PRKG1: variants seen among roughly 807,000 people sequenced by gnomAD.
The protein encoded by PRKG1 is protein kinase cGMP-dependent 1, also known as cGMP-dependent protein kinase 1.
A neutral mutation model predicts 88.1 loss-of-function variants in PRKG1; 35 were observed. The observed-to-expected ratio is 0.40, with a 90% CI of 0.30 to 0.53. PRKG1 has a LOEUF of 0.53. Among genes scored for constraint, PRKG1 ranks in the 20% least tolerant of loss-of-function variants. The probability of loss-of-function intolerance (pLI) is 0.59; values close to 1 mark genes in which losing one functional copy is unlikely to be tolerated. For missense variants in PRKG1, 540 were observed against 839.8 expected, an observed-to-expected ratio of 0.64 and a Z score of 4.41; for synonymous variants, 303 against 292.5, an observed-to-expected ratio of 1.04 and a Z score of -0.37.
chr10:51,201,478 A>G (rs1435222252), intron 2 of PRKG1, among the ~76,000 whole-genome samples: 2 of 152,210 alleles, frequency 1.3e-5, no homozygotes, highest in Non-Finnish European at 2.9e-5. Context: ...AAATTAAAGC[A>G]GGAAAATGTA....
chr10:51,984,292 A>G, intron 5 of PRKG1, among the ~76,000 whole-genome samples: 1 of 152,250 alleles, frequency 6.6e-6, no homozygotes, highest in East Asian at 1.9e-4. Flanking sequence ...CTAATTTTAA[A>G]GATTGGCCAG....
chr10:51,832,814 A>G lies in PRKG1; in HGVS notation c.698+28124A>G, dbSNP rs543670503. Among the ~76,000 whole-genome samples the G allele has an allele frequency of 1.6e-3, 246 of 152,270 alleles. 1 individual carries two copies. The highest frequency in any genetic ancestry group is 3.5e-3 in the Admixed American group (54 of 15,292). On this transcript the variant is annotated intron_variant, in intron 4 of 17. Coordinates refer to ENST00000373980, the MANE Select transcript of PRKG1 (RefSeq NM_006258.4). ...ACACAAGCTATGGAATGGTGAGGGG[A>G]GGAAATGCATGATGATCAAATATTG... is the stretch of plus-strand genomic sequence containing the variant.
chr10:52,085,906 C>T (rs1846900751), intron 7 of PRKG1, among the ~76,000 whole-genome samples: 1 of 152,058 alleles, frequency 6.6e-6, no homozygotes, highest in Non-Finnish European at 1.5e-5. Context: ...ACATGCATAG[C>T]AGCCCAAAAA....
At chr10:52,123,313 A>C (rs1589626812) in intron 7 of PRKG1, among the ~76,000 whole-genome samples, 1 of 152,188 alleles carries the variant, frequency 6.6e-6, no homozygotes, top group East Asian at 1.9e-4. Context: ...AATGAATGGA[A>C]ATATCCAATC....
At chr10:52,201,860 A>G (rs1554816836) in intron 9 of PRKG1, among the ~76,000 whole-genome samples, 1 of 151,954 alleles carries the variant, frequency 6.6e-6, no homozygotes, top group Non-Finnish European at 1.5e-5. Flanking sequence ...CTCAGCTTGA[A>G]TGTTGTTGTT....
intron 2 of PRKG1, among the ~76,000 whole-genome samples, chr10:51,224,290 G>T (rs1252978946): frequency 6.6e-6 from 1 of 152,198 alleles, no homozygotes; most frequent in East Asian, 1.9e-4. Flanking sequence ...AGGAGTCAGA[G>T]AAAGGTGTGT....
intron 2 of PRKG1, among the ~76,000 whole-genome samples, chr10:51,296,624 C>A (rs1035635543): frequency 6.6e-6 from 1 of 151,902 alleles, no homozygotes; most frequent in African/African-American, 2.4e-5. Context: ...TTCAAAAAAT[C>A]AACTCTTGTT....
intron 3 of PRKG1, among the ~76,000 whole-genome samples, chr10:51,562,620 C>T (rs1053190043): frequency 5.3e-5 from 8 of 152,094 alleles, no homozygotes; most frequent in Middle Eastern, 3.2e-3. Flanking sequence ...TGTATTATCT[C>T]TCTTTGATTA....
At chr10:52,041,409 C>T (rs1038775555) in intron 5 of PRKG1, among the ~76,000 whole-genome samples, 1 of 152,104 alleles carries the variant, frequency 6.6e-6, no homozygotes, top group Admixed American at 6.5e-5. Flanking sequence ...CATCTATGCT[C>T]ATCCAGAATG....
chr10:51,828,828 T>G (rs556960906), intron 4 of PRKG1, among the ~76,000 whole-genome samples: 2 of 152,324 alleles, frequency 1.3e-5, no homozygotes, highest in East Asian at 3.9e-4. Context: ...ATAAAAATGT[T>G]CAAGAAACTG....
chr10:51,116,231 C>T (rs1301998260), intron 1 of PRKG1, among the ~76,000 whole-genome samples: 2 of 152,136 alleles, frequency 1.3e-5, no homozygotes, highest in East Asian at 1.9e-4. Flanking sequence ...GGTAGACTGG[C>T]GGAACATATA....
intron 7 of PRKG1, among the ~76,000 whole-genome samples, chr10:52,114,721 A>G (rs1847646996): frequency 6.6e-6 from 1 of 152,110 alleles, no homozygotes; most frequent in African/African-American, 2.4e-5. Context: ...CTTCCTGATT[A>G]TCAGCTATAA....
chr10:51,134,950 G>T (rs975152912), intron 1 of PRKG1, among the ~76,000 whole-genome samples: 1 of 152,048 alleles, frequency 6.6e-6, no homozygotes. Context: ...ATAAATAATT[G>T]GGATTTTAGC....
At chr10:51,090,706 C>T (rs972596105) in intron 1 of PRKG1, among the ~76,000 whole-genome samples, 1 of 152,034 alleles carries the variant, frequency 6.6e-6, no homozygotes, top group Non-Finnish European at 1.5e-5. Context: ...TAATATTGTT[C>T]GTAACATTTA....
chr10:52,280,914 G>A lies in PRKG1; in HGVS notation c.1529G>A (p.Arg510Gln), dbSNP rs749187374. Residue 510 changes from arginine to glutamine, a missense_variant, in exon 13 of 18, where the codon CGA becomes CAA. Physicochemically the swap from Arg to Gln is conservative, Grantham distance 43. Coordinates refer to ENST00000373980, the MANE Select transcript of PRKG1 (RefSeq NM_006258.4). ...LKPENLILDH[R>Q]GYAKLVDFGF... ...CCAGAAAATCTCATCCTAGATCACC[G>A]AGGTTATGCCAAACTGGTCAGTGCA... is the stretch of plus-strand genomic sequence containing the variant. 11 of 1,612,948 alleles carry A rather than the reference G, an allele frequency of 6.8e-6. No individual in the cohort carries two copies. The highest frequency in any genetic ancestry group is 2.7e-5 in the African/African-American group (2 of 74,734).
chr10:51,131,883 G>A (rs1845575663), intron 1 of PRKG1, among the ~76,000 whole-genome samples: 1 of 152,022 alleles, frequency 6.6e-6, no homozygotes, highest in African/African-American at 2.4e-5. Flanking sequence ...TTGGAGGGGT[G>A]GGGATGGACA....
intron 3 of PRKG1, among the ~76,000 whole-genome samples, chr10:51,614,015 A>T (rs940038225): frequency 1.3e-5 from 2 of 151,976 alleles, no homozygotes; most frequent in Non-Finnish European, 2.9e-5. Context: ...CCTTTCGTCT[A>T]AAGTCCAGTT....
In PRKG1 at chr10:52,246,696, G is replaced by C. The variant is rs894671423; in HGVS notation, c.1077-4874G>C. Among the ~76,000 whole-genome samples, 3 of 152,040 alleles carry C rather than the reference G, an allele frequency of 2.0e-5. No homozygotes were observed. The East Asian group carries it at 5.8e-4, about 29-fold the overall frequency. Reference sequence around the variant, plus strand: ...GTTCAAGACCAGCCTGACCAACATGGTGAAACCCCATCTCTACTAAAAATA... The same window carrying C: ...GTTCAAGACCAGCCTGACCAACATGCTGAAACCCCATCTCTACTAAAAATA... On this transcript the variant is annotated intron_variant, in intron 9 of 17. Coordinates refer to ENST00000373980, the MANE Select transcript of PRKG1 (RefSeq NM_006258.4).
At chr10:51,067,478 C>A (rs1022442663) in intron 1 of PRKG1, among the ~76,000 whole-genome samples, 1 of 151,984 alleles carries the variant, frequency 6.6e-6, no homozygotes, top group African/African-American at 2.4e-5. Flanking sequence ...TCACTAAGTT[C>A]TCTATGTTCC....
Sources: allele counts gnomAD v4.1 joint callset (sites outside exome capture counted in the v4.1 genomes callset), GRCh38; gene constraint gnomAD v4.1.1; transcripts MANE v1.5; gene names NCBI Gene and HGNC (gene_info 2026-07-23, HGNC 2026-07-21).